The following GPC3 variants were observed in gnomAD, a reference collection of about 807,000 sequenced individuals.
GPC3 encodes glypican-3.
A neutral mutation model predicts 34.4 loss-of-function variants in GPC3; 3 were observed. The ratio of observed to expected loss-of-function variants is 0.09; its 90% CI spans 0.04 to 0.23. GPC3 has a LOEUF of 0.23. GPC3 is among the 10% of genes least tolerant of loss of function. The pLI is 1.00. For synonymous variants in GPC3, 177 were observed against 174.0 expected (o/e 1.02, Z -0.13); for missense variants, 351 against 445.6 (o/e 0.79, Z 1.91).
intron 2 of GPC3, among the ~76,000 whole-genome samples, chrX:133,914,609 T>C (rs1168301139): frequency 1.8e-5 from 2 of 110,920 alleles, no homozygotes; most frequent in Non-Finnish European, 3.8e-5. Flanking sequence ...CCAATCTGTG[T>C]GGTCTTGAGC....
At chrX:133,657,639 G>A (rs1466640277) in intron 6 of GPC3, among the ~76,000 whole-genome samples, 1 of 111,623 alleles carries the variant, frequency 9.0e-6, no homozygotes, top group Non-Finnish European at 1.9e-5. Context: ...TTCCACACCT[G>A]TAGGCCTTCC....
At chrX:133,871,282 C>A (rs1441095374) in intron 2 of GPC3, among the ~76,000 whole-genome samples, 1 of 112,012 alleles carries the variant, frequency 8.9e-6, no homozygotes, top group Non-Finnish European at 1.9e-5. Context: ...TTACTAACAG[C>A]TCTGAAAGTA....
chrX:133,595,923 A>G (rs2069908931), intron 7 of GPC3, among the ~76,000 whole-genome samples: 1 of 112,081 alleles, frequency 8.9e-6, no homozygotes. Context: ...AGGTCAGCTA[A>G]TGGCTCTTCC....
At chrX:133,921,666 A>C (rs1017823999) in intron 2 of GPC3, among the ~76,000 whole-genome samples, 1 of 112,232 alleles carries the variant, frequency 8.9e-6, no homozygotes, top group South Asian at 3.7e-4. Context: ...AATCAGTCCA[A>C]TTCTAGCTTT....
At chrX:133,552,992 T>G (rs1314304629) in intron 7 of GPC3, among the ~76,000 whole-genome samples, 1 of 111,943 alleles carries the variant, frequency 8.9e-6, no homozygotes, top group East Asian at 2.8e-4. Context: ...AGGAAAATTC[T>G]ACTACAAAGA....
chrX:133,821,338 T>A (rs960524099), intron 2 of GPC3, among the ~76,000 whole-genome samples: 1 of 112,284 alleles, frequency 8.9e-6, no homozygotes, highest in Admixed American at 9.4e-5. Flanking sequence ...ACTTTCAATT[T>A]CTGTATAATC....
At chrX:133,985,202 G>A in intron 1 of GPC3, 73 bp downstream of exon 1, 2 of 1,105,612 alleles carry the variant, frequency 1.8e-6, no homozygotes, top group Non-Finnish European at 1.2e-6. Flanking sequence ...GGGCTAGCGC[G>A]CTCAGGGTAC....
chrX:133,601,122 ACTGT>A (rs1439937912), intron 6 of GPC3, among the ~76,000 whole-genome samples: 1 of 111,959 alleles, frequency 8.9e-6, no homozygotes, highest in African/African-American at 3.2e-5. Flanking sequence ...TACAGCCACT[ACTGT>A]CTGTGCAACT....
At chrX:133,893,914 C>T (rs2076099928) in intron 2 of GPC3, among the ~76,000 whole-genome samples, 1 of 111,235 alleles carries the variant, frequency 9.0e-6, no homozygotes, top group African/African-American at 3.3e-5. Flanking sequence ...TGCAGTGGTA[C>T]GATCTCGGCT....
chrX:133,667,180 A>G, intron 5 of GPC3, among the ~76,000 whole-genome samples: 1 of 112,387 alleles, frequency 8.9e-6, no homozygotes, highest in Non-Finnish European at 1.9e-5. Context: ...ATCACCTCAC[A>G]TAATTATCTT....
chrX:133,586,257 C>T (rs190158089), intron 7 of GPC3, among the ~76,000 whole-genome samples: 57 of 111,654 alleles, frequency 5.1e-4, no homozygotes, highest in Admixed American at 1.2e-3. Context: ...TCTTGGTATA[C>T]CTACTCAATT....
At chrX:133,661,560 A>ATCTCTCTTTCTC (rs1325692347) in intron 6 of GPC3, among the ~76,000 whole-genome samples, 170 bp downstream of exon 6, 1 of 60,654 alleles carries the variant, frequency 1.6e-5, no homozygotes, top group Non-Finnish European at 2.9e-5. Context: ...AGCTGGCTAT[A>ATCTCTCTTTCTC]TCTCTCTTTC....
At chrX:133,902,746 T>A (rs747531639) in intron 2 of GPC3, among the ~76,000 whole-genome samples, 1 of 111,363 alleles carries the variant, frequency 9.0e-6, no homozygotes, top group African/African-American at 3.3e-5. Flanking sequence ...AAAAAAGAAA[T>A]TTTAGGATAT....
chrX:133,790,133 G>GAA (rs773593405), intron 2 of GPC3, among the ~76,000 whole-genome samples: 1,657 of 104,716 alleles, frequency 0.016, 14 homozygotes, highest in Non-Finnish European at 0.024. Flanking sequence ...AGCCAAACAA[G>GAA]AAAAAAAAAA....
At chrX:133,762,894 A>G in intron 2 of GPC3, 1 of 545,882 alleles carries the variant, frequency 1.8e-6, no homozygotes, top group East Asian at 3.4e-5. Flanking sequence ...CTGACTTCCA[A>G]ATGAAACAGT....
chrX:133,789,358 A>G (rs2072138495), intron 2 of GPC3, among the ~76,000 whole-genome samples: 1 of 111,948 alleles, frequency 8.9e-6, no homozygotes, highest in Non-Finnish European at 1.9e-5. Context: ...TTGTAATGTA[A>G]TGAACTATTA....
intron 2 of GPC3, among the ~76,000 whole-genome samples, chrX:133,858,271 C>T (rs2075915952): frequency 8.9e-6 from 1 of 112,091 alleles, no homozygotes; most frequent in African/African-American, 3.2e-5. Context: ...CACTATTGTG[C>T]AAATTAGGAA....
intron 2 of GPC3, among the ~76,000 whole-genome samples, chrX:133,821,644 A>C (rs2075719288): frequency 9.0e-6 from 1 of 111,608 alleles, no homozygotes; most frequent in Admixed American, 9.5e-5. Context: ...AACAAAAGGT[A>C]ATAATACCTA....
At chrX:133,940,025 C>CA (rs1270800805) in intron 2 of GPC3, among the ~76,000 whole-genome samples, 1 of 111,096 alleles carries the variant, frequency 9.0e-6, no homozygotes, top group Admixed American at 9.6e-5. Context: ...GTCAGGGTAG[C>CA]AGCCCCTTTA....
Sources: gnomAD v4.1 joint callset for allele counts (sites outside exome capture counted in the v4.1 genomes callset) on GRCh38, gnomAD v4.1.1 for gene constraint, MANE v1.5 for transcripts, NCBI Gene and HGNC (gene_info 2026-07-23, HGNC 2026-07-21) for gene names.